The following RAD51B variants were observed in gnomAD, a reference collection of about 807,000 sequenced individuals.
The protein encoded by RAD51B is RAD51 paralog B.
Under a neutral mutation model 42.2 loss-of-function variants are expected in RAD51B, and 38 were observed. The observed-to-expected ratio is 0.90, with a 90% CI of 0.70 to 1.18. The LOEUF (loss-of-function observed/expected upper bound fraction) is 1.18, where lower values mean the gene tolerates loss of function less well. Ranked by LOEUF, RAD51B falls within the 50% of genes most tolerant of loss-of-function variation. The pLI, the probability that RAD51B is intolerant of heterozygous loss-of-function variation, is 0.00. For synonymous variants in RAD51B, 154 were observed against 145.2 expected (o/e 1.06, Z -0.43); for missense variants, 373 against 400.7 (o/e 0.93, Z 0.59).
At position 68,497,130 on chromosome 14, in the gene RAD51B, G is replaced by A. The variant is rs750408457; in HGVS notation, c.1036+28880G>A. 2.3e-5 allele frequency: 32 copies of A among 1,394,116 alleles called. No individual in the cohort carries two copies. In the Middle Eastern group the frequency reaches 7.9e-4, roughly 34 times the overall value. The allele number at this position is 1,394,116 out of a possible 1,614,324, so 86.4% of individuals were successfully genotyped here. ...GTTCTTTTTCTTCTTGCAGCCTATG[G>A]AAATTCCTAGAGACAGATAAATGTG... On this transcript the variant is annotated intron_variant, in intron 10 of 10. Coordinates refer to the RAD51B transcript ENST00000487270.
intron 7 of RAD51B, among the ~76,000 whole-genome samples, chr14:68,159,748 A>G (rs1448443570): frequency 6.6e-6 from 1 of 151,854 alleles, no homozygotes; most frequent in Non-Finnish European, 1.5e-5. Flanking sequence ...ATATTATGCC[A>G]TTTCTTTAGC....
At chr14:68,008,846 G>T (rs941263467) in intron 7 of RAD51B, among the ~76,000 whole-genome samples, 2 of 151,146 alleles carry the variant, frequency 1.3e-5, no homozygotes, top group Non-Finnish European at 1.5e-5. Context: ...CTTTACATCT[G>T]TGTAGTGATA....
chr14:67,866,591 T>C (rs971002653), intron 5 of RAD51B, among the ~76,000 whole-genome samples: 2 of 152,270 alleles, frequency 1.3e-5, no homozygotes, highest in African/African-American at 4.8e-5. Context: ...GAGTTTAGGA[T>C]GTCTTCTTAA....
intron 7 of RAD51B, among the ~76,000 whole-genome samples, chr14:68,163,049 C>T (rs530964579): frequency 8.5e-5 from 13 of 152,212 alleles, no homozygotes; most frequent in Non-Finnish European, 1.8e-4. Context: ...CTCCTTGAGA[C>T]TTGCAAGTCG....
chr14:68,597,877 A>G (rs114221528), downstream of RAD51B, among the ~76,000 whole-genome samples: 2,018 of 152,104 alleles, frequency 0.013, 52 homozygotes, highest in African/African-American at 0.042. Context: ...GCCAGGTCAC[A>G]AGAAGGTGAG....
intron 11 of RAD51B, among the ~76,000 whole-genome samples, chr14:68,665,128 A>G (rs1893006543): frequency 6.6e-6 from 1 of 152,244 alleles, no homozygotes. Context: ...AGAAAACCAG[A>G]GATGTTTCCA....
intron 10 of RAD51B, among the ~76,000 whole-genome samples, chr14:68,637,722 G>A (rs1595041205): frequency 1.3e-5 from 2 of 152,216 alleles, no homozygotes; most frequent in Admixed American, 1.3e-4. Flanking sequence ...CGTTTCATCA[G>A]TGGGGATGGA....
chr14:68,056,995 A>G (rs1038320755), intron 7 of RAD51B, among the ~76,000 whole-genome samples: 2 of 151,498 alleles, frequency 1.3e-5, no homozygotes, highest in Admixed American at 1.3e-4. Context: ...AAGCTGAGGC[A>G]GGAGAATTGC....
intron 8 of RAD51B, among the ~76,000 whole-genome samples, chr14:68,382,490 A>G (rs1220672513): frequency 8.2e-6 from 1 of 122,610 alleles, no homozygotes; most frequent in Non-Finnish European, 1.9e-5. Flanking sequence ...TCTACTGCAA[A>G]TACAAATTAT....
intron 7 of RAD51B, among the ~76,000 whole-genome samples, chr14:68,094,865 T>C (rs535514501): frequency 1.1e-3 from 173 of 152,352 alleles, no homozygotes; most frequent in African/African-American, 3.9e-3. Flanking sequence ...AAAATTCTCC[T>C]AAATGACTAC....
intron 7 of RAD51B, among the ~76,000 whole-genome samples, chr14:68,075,785 C>G (rs1490202558): frequency 6.6e-6 from 1 of 152,180 alleles, no homozygotes; most frequent in Non-Finnish European, 1.5e-5. Context: ...TGAGGGCTCA[C>G]AGGGAAGGGA....
intron 8 of RAD51B, among the ~76,000 whole-genome samples, chr14:68,358,719 G>A (rs2082958143): frequency 6.6e-6 from 1 of 152,130 alleles, no homozygotes; most frequent in African/African-American, 2.4e-5. Context: ...GTTATGGTCT[G>A]GTTGGTCCAT....
chr14:68,285,619 G>C (rs2081399849), intron 7 of RAD51B, among the ~76,000 whole-genome samples: 1 of 152,180 alleles, frequency 6.6e-6, no homozygotes, highest in Admixed American at 6.5e-5. Context: ...TCCTGGCCCA[G>C]TTAAAGTGAT....
chr14:68,682,591 A>G (rs1566971676), intron 11 of RAD51B, among the ~76,000 whole-genome samples: 1 of 152,200 alleles, frequency 6.6e-6, no homozygotes, highest in Non-Finnish European at 1.5e-5. Flanking sequence ...AGGCCTTGGA[A>G]AAAAGGCCCA....
intron 7 of RAD51B, among the ~76,000 whole-genome samples, chr14:68,089,740 G>T (rs1411047155): frequency 6.6e-6 from 1 of 152,072 alleles, no homozygotes; most frequent in Non-Finnish European, 1.5e-5. Context: ...AAATGTTTAT[G>T]TGTGTGTGAA....
chr14:68,234,933 A>G (rs1318307211), intron 7 of RAD51B, among the ~76,000 whole-genome samples: 1 of 152,182 alleles, frequency 6.6e-6, no homozygotes, highest in Non-Finnish European at 1.5e-5. Context: ...TAAAACTTAA[A>G]TCAAGCACAA....
intron 8 of RAD51B, among the ~76,000 whole-genome samples, chr14:68,294,255 T>G (rs1385759853): frequency 6.6e-6 from 1 of 151,292 alleles, no homozygotes; most frequent in Non-Finnish European, 1.5e-5. Flanking sequence ...CAGGTTATCC[T>G]CCCAGAAATC....
At chr14:67,960,005 A>C (rs1019367670) in intron 7 of RAD51B, among the ~76,000 whole-genome samples, 3 of 152,102 alleles carry the variant, frequency 2.0e-5, no homozygotes, top group Non-Finnish European at 1.5e-5. Flanking sequence ...GAATTGCTTG[A>C]ACCTGGGAGG....
At chr14:68,207,914 G>A (rs1364064082) in intron 7 of RAD51B, among the ~76,000 whole-genome samples, 1 of 151,548 alleles carries the variant, frequency 6.6e-6, no homozygotes, top group African/African-American at 2.4e-5. Flanking sequence ...TTAATGTTTT[G>A]GGGACATTTA....
Sources: gnomAD v4.1 joint callset for allele counts (sites outside exome capture counted in the v4.1 genomes callset) on GRCh38, gnomAD v4.1.1 for gene constraint, MANE v1.5 for transcripts, NCBI Gene and HGNC (gene_info 2026-07-23, HGNC 2026-07-21) for gene names.